MTMR14: variants seen among roughly 807,000 people sequenced by gnomAD.
MTMR14 encodes the protein myotubularin related protein 14, also known as phosphatidylinositol-3,5-bisphosphate 3-phosphatase MTMR14.
MTMR14 carries 48 observed loss-of-function variants against 86.3 expected under a neutral mutation model. The ratio of observed to expected loss-of-function variants is 0.56; its 90% CI spans 0.44 to 0.71. MTMR14 has a LOEUF of 0.71. Ranked by LOEUF, MTMR14 falls within the 30% of genes least tolerant of loss-of-function variation. The probability of loss-of-function intolerance (pLI) is 0.00; values close to 1 mark genes in which losing one functional copy is unlikely to be tolerated. For missense variants in MTMR14, 780 were observed against 834.6 expected, an observed-to-expected ratio of 0.93 and a Z score of 0.81; for synonymous variants, 366 against 326.1, an observed-to-expected ratio of 1.12 and a Z score of -1.32.
At position 9,701,817 on chromosome 3, in the gene MTMR14, T is replaced by A. The variant is rs779591616; in HGVS notation, c.1797T>A (p.Thr599=). 1 of 1,613,840 alleles carries A rather than the reference T, an allele frequency of 6.2e-7. No homozygotes were observed. The highest frequency in any genetic ancestry group is 1.1e-5 in the South Asian group (1 of 91,088). ...CLLAALSDRE[T]RLQEVRSAFL... ...TTGCAGCCCTGAGTGATCGAGAGAC[T>A]CGGCTGCAGGAGGTGCGCTCAGCCT... Residue 599 remains threonine, a synonymous_variant, in exon 19 of 19, where the codon ACT becomes ACA. Coordinates refer to ENST00000296003, the MANE Select transcript of MTMR14 (RefSeq NM_001077525.3). The surrounding 1 kb of genome is among the most constrained non-coding windows in gnomAD (Gnocchi z 4.2).
chr3:9,679,648 T>G (rs1205645042), intron 9 of MTMR14, among the ~76,000 whole-genome samples: 1 of 152,222 alleles, frequency 6.6e-6, no homozygotes, highest in Non-Finnish European at 1.5e-5. Flanking sequence ...CAAGGCTCTG[T>G]GGCCTTGAAC....
chr3:9,692,341 A>T (rs1416438961), intron 17 of MTMR14, among the ~76,000 whole-genome samples: 1 of 152,226 alleles, frequency 6.6e-6, no homozygotes, highest in Non-Finnish European at 1.5e-5. Context: ...TTGGGAAGAA[A>T]GTTCTGTGGG....
rs749229150 is a variant in MTMR14 at position 9,701,841 on chromosome 3, C to A, written c.1821C>A (p.Ala607=). 3.4e-5 allele frequency: 55 copies of A among 1,613,760 alleles called. No individual in the cohort carries two copies. Among genetic ancestry groups the A allele is most frequent in the Non-Finnish European group, 4.6e-5 (54 of 1,180,062 alleles). The part of the protein sequence containing the change: ...RETRLQEVRS[A]FLAAYSSTVG... ...CTCGGCTGCAGGAGGTGCGCTCAGC[C>A]TTCTTGGCTGCGTACAGCAGCACAG... The change falls in exon 19 of 19, where the codon GCC becomes GCA. Residue 607 remains alanine, a synonymous_variant. Coordinates refer to ENST00000296003, the MANE Select transcript of MTMR14 (RefSeq NM_001077525.3). The surrounding 1 kb of genome is among the most constrained non-coding windows in gnomAD (Gnocchi z 4.2).
intron 2 of MTMR14, among the ~76,000 whole-genome samples, chr3:9,654,911 A>T (rs572576024): frequency 6.6e-6 from 1 of 152,176 alleles, no homozygotes; most frequent in Non-Finnish European, 1.5e-5. Context: ...CCTTGTGTTT[A>T]TGTGCCTGGG....
intron 17 of MTMR14, among the ~76,000 whole-genome samples, chr3:9,693,237 T>C (rs772881549): frequency 6.6e-6 from 1 of 152,084 alleles, no homozygotes; most frequent in Admixed American, 6.5e-5. Context: ...ACATAAACAA[T>C]AGAAAGTAAT....
chr3:9,701,686 G>A lies in MTMR14; in HGVS notation c.1770-104G>A. On this transcript the variant is annotated intron_variant, in intron 18 of 18. Coordinates refer to ENST00000296003, the MANE Select transcript of MTMR14 (RefSeq NM_001077525.3). The surrounding 1 kb of genome is among the most constrained non-coding windows in gnomAD (Gnocchi z 4.2). Reference sequence around the variant, plus strand: ...GTAGGACAGACACTGGCCTTGTACAGTCAGAAGAAGCACAAGGACAGGTGG... The same window carrying A: ...GTAGGACAGACACTGGCCTTGTACAATCAGAAGAAGCACAAGGACAGGTGG... 7.5e-7 allele frequency: 1 copy of A among 1,339,006 alleles called. No homozygotes were observed. The highest frequency in any genetic ancestry group is 2.3e-5 in the East Asian group (1 of 42,978). 82.9% of individuals were successfully genotyped at this position (1,339,006 alleles called of 1,614,324 possible).
At chr3:9,653,571 C>T (rs1160667391) in intron 1 of MTMR14, 50 bp from the exon 2 acceptor site, 1 of 1,612,842 alleles carries the variant, frequency 6.2e-7, no homozygotes, top group South Asian at 1.1e-5. Context: ...TAATTCTCAC[C>T]CTCAGAACCC....
intron 13 of MTMR14, among the ~76,000 whole-genome samples, 194 bp from the exon 14 acceptor site, chr3:9,687,627 G>A (rs1004629672): frequency 1.3e-5 from 2 of 151,052 alleles, no homozygotes; most frequent in South Asian, 2.1e-4. Flanking sequence ...GCCTTGCCCC[G>A]GCCCACATGC....
At chr3:9,652,840 AT>A (rs1446137657) in intron 1 of MTMR14, among the ~76,000 whole-genome samples, 2 of 151,944 alleles carry the variant, frequency 1.3e-5, no homozygotes, top group Non-Finnish European at 2.9e-5. Context: ...AAATATGAAA[AT>A]TAGCCAAATA....
Position 9,690,141 on chromosome 3 carries a change from C to A in MTMR14, c.1611C>A (p.Pro537=). The A allele has an allele frequency of 6.2e-7, 1 of 1,613,670 alleles. No homozygotes were observed. The highest frequency in any genetic ancestry group is 1.1e-5 in the South Asian group (1 of 91,042). ...MGSSPLEVPK[P]RSVDHPLPGS... is the part of the protein sequence containing the mutation. Reference sequence around the variant, plus strand: ...GCAGTCCCCTGGAGGTCCCCAAACCCAGGTGAGGAGCTCCAAAGCCCTTGC... The same window carrying A: ...GCAGTCCCCTGGAGGTCCCCAAACCAAGGTGAGGAGCTCCAAAGCCCTTGC... The change falls in exon 17 of 19, where the codon CCC becomes CCA. Residue 537 remains proline, a splice_region_variant and synonymous_variant. Coordinates refer to ENST00000296003, the MANE Select transcript of MTMR14 (RefSeq NM_001077525.3).
chr3:9,664,542 G>A (rs1206962663), intron 3 of MTMR14, among the ~76,000 whole-genome samples: 1 of 152,098 alleles, frequency 6.6e-6, no homozygotes, highest in Non-Finnish European at 1.5e-5. Flanking sequence ...TATGGTACAT[G>A]TATGCAATGG....
rs567768939 is a variant in MTMR14, at chr3:9,672,632, T to C, written c.678-53T>C. The stretch of plus-strand genomic sequence containing the variant: ...TATAACCCTTATTTGGGGAATGGTG[T>C]GTGTTTGTGTGTGTGTTGCGACACT... On this transcript the variant is annotated intron_variant, in intron 6 of 18. Coordinates refer to ENST00000296003, the MANE Select transcript of MTMR14 (RefSeq NM_001077525.3). 6 of 1,421,970 alleles carry C rather than the reference T, an allele frequency of 4.2e-6. 1 individual carries two copies. In the African/African-American group the frequency reaches 7.0e-5, roughly 17 times the overall value. 88.1% of individuals were successfully genotyped at this position (1,421,970 alleles called of 1,614,324 possible). A position where few individuals can be genotyped will look rare whatever the true frequency, so the allele number is the denominator to read the frequency against.
chr3:9,668,548 G>A (rs528756403), intron 3 of MTMR14, among the ~76,000 whole-genome samples, 171 bp from the exon 4 acceptor site: 8 of 152,344 alleles, frequency 5.3e-5, no homozygotes, highest in Admixed American at 5.2e-4. Flanking sequence ...TGTGGATTAA[G>A]TACTAGGGAT....
intron 5 of MTMR14, among the ~76,000 whole-genome samples, chr3:9,670,622 A>T (rs900661748): frequency 6.6e-6 from 1 of 152,174 alleles, no homozygotes; most frequent in African/African-American, 2.4e-5. Context: ...AGACTGCTAC[A>T]TTATGAGCAA....
rs765793322 is a variant in MTMR14, at chr3:9,653,788, T to C, written c.308+19T>C. On this transcript the variant is annotated intron_variant, in intron 2 of 18. Transcript: ENST00000296003. ...AAGACACGTGAGCATCATGTGACCG[T>C]AGTGTACATGTCTGGGGAGTCCGTG... The C allele has an allele frequency of 6.2e-7, 1 of 1,614,074 alleles. No individual in the cohort carries two copies. Among genetic ancestry groups the C allele is most frequent in the South Asian group, 1.1e-5 (1 of 91,082 alleles).
intron 9 of MTMR14, among the ~76,000 whole-genome samples, chr3:9,681,011 T>C (rs2075750787): frequency 6.6e-6 from 1 of 152,222 alleles, no homozygotes; most frequent in Admixed American, 6.5e-5. Flanking sequence ...TCTCCAGTCA[T>C]ATGGTTACAC....
chr3:9,679,228 A>G (rs923333083), intron 9 of MTMR14, among the ~76,000 whole-genome samples: 1 of 152,230 alleles, frequency 6.6e-6, no homozygotes, highest in African/African-American at 2.4e-5. Flanking sequence ...TGTTTGCAAG[A>G]GAGGGAGCAC....
intron 2 of MTMR14, among the ~76,000 whole-genome samples, chr3:9,654,498 TAGTC>T (rs2047483221): frequency 6.6e-6 from 1 of 152,180 alleles, no homozygotes; most frequent in Non-Finnish European, 1.5e-5. Context: ...GGCCTGTAGG[TAGTC>T]AGTAAATGGT....
chr3:9,656,193 CAAAA>C (rs1458732981), intron 2 of MTMR14, among the ~76,000 whole-genome samples: 1 of 149,442 alleles, frequency 6.7e-6, no homozygotes, highest in Non-Finnish European at 1.5e-5. Context: ...GACTCCATCT[CAAAA>C]AAATAAAAAA....
Sources: gnomAD v4.1 joint callset for allele counts (sites outside exome capture counted in the v4.1 genomes callset) on GRCh38, gnomAD v4.1.1 for gene constraint, Gnocchi (gnomAD v3.1) non-coding constraint, MANE v1.5 for transcripts, NCBI Gene and HGNC (gene_info 2026-07-23, HGNC 2026-07-21) for gene names.